Variants in MMD2 observed in about 807,000 individuals in gnomAD.
The protein encoded by MMD2 is monocyte to macrophage differentiation associated 2.
A neutral mutation model predicts 33.5 loss-of-function variants in MMD2; 30 were observed. That is an observed-to-expected ratio of 0.90 (90% confidence interval 0.67 to 1.22). The LOEUF (loss-of-function observed/expected upper bound fraction) is 1.22. Among genes scored for constraint, MMD2 ranks in the 50% most tolerant of loss-of-function variants. The pLI is 0.00. For missense variants in MMD2, 364 were observed against 325.4 expected, an observed-to-expected ratio of 1.12 and a Z score of -0.91; for synonymous variants, 129 against 123.0, an observed-to-expected ratio of 1.05 and a Z score of -0.32.
intron 2 of MMD2, 80 bp downstream of exon 2, chr7:4,925,371 G>A (rs368875705): frequency 5.9e-6 from 7 of 1,176,642 alleles, no homozygotes; most frequent in East Asian, 5.2e-5. Context: ...TAGGACATAC[G>A]TGAAGGAGGT....
intron 4 of MMD2, among the ~76,000 whole-genome samples, chr7:4,912,519 G>A (rs376002979): frequency 1.3e-3 from 187 of 148,310 alleles, no homozygotes; most frequent in African/African-American, 3.8e-3. Context: ...CCAAGATCGC[G>A]CCACTGCACT....
chr7:4,898,077 G>T, the MMD2 span, among the ~76,000 whole-genome samples: 1 of 152,110 alleles, frequency 6.6e-6, no homozygotes, highest in Admixed American at 6.6e-5. Flanking sequence ...CTGACCTAAT[G>T]CTGGCTTAAG....
chr7:4,903,302 G>A (rs971450229), downstream of MMD2, among the ~76,000 whole-genome samples: 2 of 152,146 alleles, frequency 1.3e-5, no homozygotes, highest in Non-Finnish European at 1.5e-5. Flanking sequence ...AAAGTGTTCT[G>A]TAAGCCTTCA....
chr7:4,909,743 C>G, intron 6 of MMD2, 138 bp downstream of exon 6: 2 of 1,211,358 alleles, frequency 1.7e-6, no homozygotes, highest in East Asian at 5.1e-5. Flanking sequence ...CCTACTGCCT[C>G]TTTAGACAAG....
chr7:4,893,093 A>C, the MMD2 span, among the ~76,000 whole-genome samples: 1 of 152,064 alleles, frequency 6.6e-6, no homozygotes, highest in Non-Finnish European at 1.5e-5. Flanking sequence ...AGAGGAGTGG[A>C]TGTACCTCTA....
rs562837140 is a variant in MMD2, at chr7:4,957,288, T to A, written c.47+1683A>T. Among the ~76,000 whole-genome samples the A allele has an allele frequency of 2.0e-5, 3 of 151,882 alleles. No individual in the cohort carries two copies. The East Asian group carries it at 5.8e-4, about 29-fold the overall frequency. On this transcript the variant is annotated intron_variant, in intron 1 of 6. Transcript: ENST00000401401. ...CAAGCCCAGGAATTTGAGGCTGTAGTGAACCATGATTGTGCCACTGCACTC... is the reference window on the plus strand; with the variant it reads ...CAAGCCCAGGAATTTGAGGCTGTAGAGAACCATGATTGTGCCACTGCACTC...
chr7:4,929,450 T>C (rs1034688527), intron 1 of MMD2, among the ~76,000 whole-genome samples: 1 of 152,080 alleles, frequency 6.6e-6, no homozygotes, highest in African/African-American at 2.4e-5. Context: ...TCCACCCACC[T>C]TCCTCAAGGT....
At chr7:4,900,715 C>G in the MMD2 span, among the ~76,000 whole-genome samples, 4 of 152,190 alleles carry the variant, frequency 2.6e-5, no homozygotes, top group Middle Eastern at 6.8e-3. Context: ...CAGCATCCCC[C>G]CCACAACCCA....
At chr7:4,898,593 G>A in the MMD2 span, among the ~76,000 whole-genome samples, 1 of 151,986 alleles carries the variant, frequency 6.6e-6, no homozygotes. Flanking sequence ...CAAGGTGATG[G>A]TATTAAGAAA....
At chr7:4,905,305 A>T (rs973467164), downstream of MMD2, among the ~76,000 whole-genome samples, 2 of 150,570 alleles carry the variant, frequency 1.3e-5, no homozygotes, top group African/African-American at 4.9e-5. This position sits in a 1 kb window ranked among gnomAD's most constrained non-coding sequence, Gnocchi z 5.0. Flanking sequence ...GAAGAGGAAG[A>T]GGAAGAGGAA....
chr7:4,955,559 T>C (rs540899237), intron 1 of MMD2, among the ~76,000 whole-genome samples: 1 of 152,330 alleles, frequency 6.6e-6, no homozygotes, highest in South Asian at 2.1e-4. Context: ...GCACATTAGA[T>C]GAAGACTTGT....
chr7:4,929,988 G>A (rs1202738184), intron 1 of MMD2, among the ~76,000 whole-genome samples: 2 of 152,008 alleles, frequency 1.3e-5, no homozygotes, highest in African/African-American at 4.8e-5. Context: ...ATGAGGCCAG[G>A]GCCGGGTATG....
intron 1 of MMD2, among the ~76,000 whole-genome samples, chr7:4,944,340 T>C (rs1353990317): frequency 1.3e-5 from 2 of 152,074 alleles, no homozygotes; most frequent in Non-Finnish European, 1.5e-5. Flanking sequence ...AGGGAAACTT[T>C]AGCCCTGGGC....
rs1368509131 is a variant in MMD2, at chr7:4,944,847, A to C, written c.47+14124T>G. ...AAGTGGCACGATCTCGGCTCACTAC[A>C]AGCTCCGCCTCCCAGGTTCACACCA... is the stretch of plus-strand genomic sequence containing the variant. On this transcript the variant is annotated intron_variant, in intron 1 of 6. Coordinates refer to ENST00000401401, the MANE Select transcript of MMD2 (RefSeq NM_198403.4). Among the ~76,000 whole-genome samples, 7 of 139,798 alleles carry C rather than the reference A, an allele frequency of 5.0e-5. 1 individual carries two copies. The highest frequency in any genetic ancestry group is 4.7e-4 in the Admixed American group (6 of 12,828). The allele number at this position is 139,798 out of a possible 152,430, so 91.7% of individuals were successfully genotyped here.
intron 4 of MMD2, among the ~76,000 whole-genome samples, chr7:4,914,630 G>T (rs1785096199): frequency 6.6e-6 from 1 of 152,080 alleles, no homozygotes; most frequent in Non-Finnish European, 1.5e-5. Flanking sequence ...CAGGGGTAAA[G>T]GTAAAGAAGA....
downstream of MMD2, among the ~76,000 whole-genome samples, chr7:4,902,354 C>T (rs1382300289): frequency 6.6e-6 from 1 of 152,240 alleles, no homozygotes; most frequent in Non-Finnish European, 1.5e-5. Context: ...TGGCCAAGGG[C>T]AGGAGGCTTG....
At chr7:4,923,430 G>A (rs1329246955) in intron 2 of MMD2, among the ~76,000 whole-genome samples, 3 of 152,126 alleles carry the variant, frequency 2.0e-5, no homozygotes, top group Non-Finnish European at 4.4e-5. Context: ...CCTCAGGAGT[G>A]TGCTGTCAAA....
chr7:4,916,155 G>A (rs1418368606), intron 3 of MMD2, 76 bp from the exon 4 acceptor site: 3 of 1,413,382 alleles, frequency 2.1e-6, no homozygotes, highest in African/African-American at 2.8e-5. Flanking sequence ...GCCGTGCCCT[G>A]GACTGATCGT....
At chr7:4,925,565 G>A (rs746241495) in intron 1 of MMD2, 33 bp from the exon 2 acceptor site, 5 of 1,515,832 alleles carry the variant, frequency 3.3e-6, no homozygotes, top group East Asian at 2.5e-5. Flanking sequence ...AGGAAGCTCC[G>A]CTGGGCAAGA....
Sources: allele counts gnomAD v4.1 joint callset (sites outside exome capture counted in the v4.1 genomes callset), GRCh38; gene constraint gnomAD v4.1.1; non-coding constraint Gnocchi (gnomAD v3.1); transcripts MANE v1.5; gene names NCBI Gene and HGNC (gene_info 2026-07-23, HGNC 2026-07-21).